PITPNM3: variants seen among roughly 807,000 people sequenced by gnomAD.
PITPNM3 encodes PITPNM family member 3.
In PITPNM3, 26 loss-of-function variants were observed where a neutral mutation model predicts 102.0. The ratio of observed to expected loss-of-function variants is 0.25; its 90% CI spans 0.19 to 0.35. The LOEUF (loss-of-function observed/expected upper bound fraction) is 0.35, where lower values mean the gene tolerates loss of function less well. PITPNM3 is among the 10% of genes least tolerant of loss of function. The pLI, the probability that PITPNM3 is intolerant of heterozygous loss-of-function variation, is 1.00. For missense variants in PITPNM3, 1,083 were observed against 1,346.1 expected (o/e 0.80, Z 3.06); for synonymous variants, 578 against 558.6 (o/e 1.03, Z -0.49).
intron 3 of PITPNM3, among the ~76,000 whole-genome samples, chr17:6,503,806 C>G (rs752389332): frequency 2.0e-5 from 3 of 152,136 alleles, no homozygotes; most frequent in Non-Finnish European, 4.4e-5. Flanking sequence ...TCCTCTGCCT[C>G]CTCAGGCGTT....
intron 3 of PITPNM3, among the ~76,000 whole-genome samples, chr17:6,524,464 C>G (rs918486282): frequency 6.6e-6 from 1 of 152,204 alleles, no homozygotes; most frequent in African/African-American, 2.4e-5. Flanking sequence ...TAATCAAATA[C>G]AGCCCTCAGC....
At position 6,503,554 on chromosome 17, in the gene PITPNM3, T is replaced by C. The variant is rs745374862; in HGVS notation, c.247A>G (p.Thr83Ala). The change falls in exon 4 of 20, where the codon ACA becomes GCA. Residue 83 changes from threonine to alanine, a missense_variant. Physicochemically the swap from Thr to Ala is moderately conservative, Grantham distance 58. Coordinates refer to ENST00000262483, the MANE Select transcript of PITPNM3 (RefSeq NM_031220.4). ...EHQGEGTAPC[T>A]SSILQEKQRE... ...TGCTTCTCCTGGAGGATGCTGGATG[T>C]GCACGGCGCGGTCCCTTCTCCTGCA... The C allele has an allele frequency of 6.2e-7, 1 of 1,612,214 alleles. No individual in the cohort carries two copies. The highest frequency in any genetic ancestry group is 1.1e-5 in the South Asian group (1 of 91,058).
chr17:6,465,951 G>C (rs1904744991), intron 14 of PITPNM3, among the ~76,000 whole-genome samples: 1 of 152,160 alleles, frequency 6.6e-6, no homozygotes, highest in Admixed American at 6.5e-5. Context: ...CCCTGCAACA[G>C]ATCCTCTGTC....
At chr17:6,507,485 G>A (rs1181155277) in intron 3 of PITPNM3, among the ~76,000 whole-genome samples, 1 of 152,154 alleles carries the variant, frequency 6.6e-6, no homozygotes, top group Non-Finnish European at 1.5e-5. Flanking sequence ...TAGGGAGGCT[G>A]AGGCAGGAGA....
chr17:6,482,460 C>T (rs948938911), intron 6 of PITPNM3, among the ~76,000 whole-genome samples: 3 of 152,180 alleles, frequency 2.0e-5, no homozygotes, highest in African/African-American at 7.2e-5. Flanking sequence ...ATCTCTTCAT[C>T]TGTAACCTTT....
At chr17:6,526,240 C>T (rs1387618843) in intron 2 of PITPNM3, among the ~76,000 whole-genome samples, 1 of 152,132 alleles carries the variant, frequency 6.6e-6, no homozygotes, top group Non-Finnish European at 1.5e-5. Context: ...ATTCCATAAC[C>T]ACGCTGAATA....
rs1910594487 is a variant in PITPNM3 at position 6,556,155 on chromosome 17, G to A, written c.22+230C>T. Among the ~76,000 whole-genome samples the A allele has an allele frequency of 6.6e-6, 1 of 151,986 alleles. No homozygotes were observed. Among genetic ancestry groups the A allele is most frequent in the African/African-American group, 2.4e-5 (1 of 41,426 alleles). The stretch of plus-strand genomic sequence containing the variant: ...ACCTGGCCCTTTCCGGCGGGGCCGT[G>A]GAGAAGGGGACGCGGTGTCCCCCGA... On this transcript the variant is annotated intron_variant, in intron 1 of 19. Transcript: ENST00000262483. The surrounding 1 kb of genome is among the most constrained non-coding windows in gnomAD (Gnocchi z 5.2).
At chr17:6,541,286 A>AGTGTGTGTGTGTGTGTGTGTGTGTGT (rs113549938) in intron 1 of PITPNM3, among the ~76,000 whole-genome samples, 35 of 145,708 alleles carry the variant, frequency 2.4e-4, no homozygotes, top group African/African-American at 4.9e-4. Flanking sequence ...ATATGCTAAG[A>AGTGTGTGTGTGTGTGTGTGTGTGTGT]GTGTGTGTGT....
intron 2 of PITPNM3, among the ~76,000 whole-genome samples, chr17:6,529,270 T>C (rs966260572): frequency 6.6e-6 from 1 of 152,172 alleles, no homozygotes; most frequent in Non-Finnish European, 1.5e-5. Flanking sequence ...AGCTTCTGTT[T>C]CTACTGTTGA....
At chr17:6,497,624 A>G (rs1309289361) in intron 4 of PITPNM3, among the ~76,000 whole-genome samples, 1 of 152,224 alleles carries the variant, frequency 6.6e-6, no homozygotes, top group African/African-American at 2.4e-5. Context: ...TAATGTGTGG[A>G]CGTGGCTGTG....
chr17:6,470,266 C>G lies in PITPNM3; in HGVS notation c.1767G>C (p.Leu589=). ...GCGACTGCGGCAGCAGTACCTGTCTCAGGATGAAGGCCACCACGTCTGTGG... is the reference window on the plus strand; with the variant it reads ...GCGACTGCGGCAGCAGTACCTGTCTGAGGATGAAGGCCACCACGTCTGTGG... ...WESTDVVAFI[L]RQVMRYESVN... is the part of the protein sequence containing the mutation. Residue 589 remains leucine, a synonymous_variant, in exon 13 of 20, where the codon CTG becomes CTC. Transcript: ENST00000262483. This position sits in a 1 kb window ranked among gnomAD's most constrained non-coding sequence, Gnocchi z 4.8. 6.2e-7 allele frequency: 1 copy of G among 1,607,044 alleles called. No homozygotes were observed. The highest frequency in any genetic ancestry group is 8.5e-7 in the Non-Finnish European group (1 of 1,176,774).
At chr17:6,487,419 G>A (rs1385318953) in intron 4 of PITPNM3, among the ~76,000 whole-genome samples, 1 of 152,104 alleles carries the variant, frequency 6.6e-6, no homozygotes, top group Non-Finnish European at 1.5e-5. Context: ...GACATCCAGG[G>A]CACAGAGCCA....
In PITPNM3 at chr17:6,478,323, TG is replaced by T. The variant is rs1905443903; in HGVS notation, c.777+223del. Among the ~76,000 whole-genome samples the T allele has an allele frequency of 6.6e-6, 1 of 152,238 alleles. No individual in the cohort carries two copies. The highest frequency in any genetic ancestry group is 1.5e-5 in the Non-Finnish European group (1 of 68,038). ...GTAGGCTACTCTCAGGGGTCAGACT[TG>T]GGCTAGAGAGCAGCATGGGCTCAGA... On this transcript the variant is annotated intron_variant, in intron 7 of 19. Coordinates refer to ENST00000262483, the MANE Select transcript of PITPNM3 (RefSeq NM_031220.4). The surrounding 1 kb of genome is among the most constrained non-coding windows in gnomAD (Gnocchi z 4.4).
chr17:6,556,443 T>C lies in PITPNM3; in HGVS notation c.-37A>G. The C allele has an allele frequency of 8.2e-7, 1 of 1,214,096 alleles. No individual in the cohort carries two copies. Among genetic ancestry groups the C allele is most frequent in the Non-Finnish European group, 1.0e-6 (1 of 979,498 alleles). The allele number at this position is 1,214,096 out of a possible 1,614,324, so 75.2% of individuals were successfully genotyped here. ...CGGGCTCCGGCGGCGCTACGCGCGC[T>C]CCTCGCGCTTCCCGGGCCCGGCCCC... On this transcript the variant is annotated 5_prime_UTR_variant, in exon 1 of 20. Transcript: ENST00000262483. This position sits in a 1 kb window ranked among gnomAD's most constrained non-coding sequence, Gnocchi z 5.2.
At chr17:6,510,523 G>A (rs988905959) in intron 3 of PITPNM3, among the ~76,000 whole-genome samples, 6 of 152,194 alleles carry the variant, frequency 3.9e-5, no homozygotes, top group Admixed American at 2.0e-4. Context: ...CCCCACCCCC[G>A]TCTGGGAGCC....
chr17:6,459,808 T>C lies in PITPNM3; in HGVS notation c.2490+1565A>G, dbSNP rs186382080. 3.1e-4 allele frequency among the ~76,000 whole-genome samples: 47 copies of C among 152,144 alleles called. No homozygotes were observed. Among genetic ancestry groups the C allele is most frequent in the Admixed American group, 2.8e-3 (43 of 15,298 alleles). On this transcript the variant is annotated intron_variant, in intron 18 of 19. Transcript: ENST00000262483. The surrounding 1 kb of genome is among the most constrained non-coding windows in gnomAD (Gnocchi z 5.0). Reference sequence around the variant, plus strand: ...TCACCCAGCACGGGCATCTTAGAACTCCTCGCTCCCTGCATCCAACCATCC... The same window carrying C: ...TCACCCAGCACGGGCATCTTAGAACCCCTCGCTCCCTGCATCCAACCATCC...
intron 1 of PITPNM3, among the ~76,000 whole-genome samples, chr17:6,548,188 T>C (rs892088067): frequency 1.3e-5 from 2 of 152,110 alleles, no homozygotes; most frequent in Admixed American, 6.5e-5. Context: ...GTGATCCGAC[T>C]CATACCACCT....
rs1431771847 is a variant in PITPNM3 at position 6,454,248 on chromosome 17, A to C, written c.*1090T>G. ...GAGGTGGGTTGTCCCTAGGACACCC[A>C]GTTTGAGTGGGTTGTCCCTGGGACA... On this transcript the variant is annotated 3_prime_UTR_variant, in exon 20 of 20. Coordinates refer to ENST00000262483, the MANE Select transcript of PITPNM3 (RefSeq NM_031220.4). 1 of 152,204 alleles carries C rather than the reference A, an allele frequency of 6.6e-6. No homozygotes were observed. The highest frequency in any genetic ancestry group is 2.4e-5 in the African/African-American group (1 of 41,430). 9.4% of individuals were successfully genotyped at this position (152,204 alleles called of 1,614,324 possible). A position where few individuals can be genotyped will look rare whatever the true frequency, so the allele number is the denominator to read the frequency against.
intron 18 of PITPNM3, chr17:6,460,744 C>T (rs762634181): frequency 3.7e-4 from 57 of 155,430 alleles, no homozygotes; most frequent in Admixed American, 1.5e-3. Context: ...TATATGTCAA[C>T]GCCTCTTCTG....
Sources: allele counts gnomAD v4.1 joint callset (sites outside exome capture counted in the v4.1 genomes callset), GRCh38; gene constraint gnomAD v4.1.1; non-coding constraint Gnocchi (gnomAD v3.1); transcripts MANE v1.5; gene names NCBI Gene and HGNC (gene_info 2026-07-23, HGNC 2026-07-21).